The following KIRREL3 variants were observed in gnomAD, a reference collection of about 807,000 sequenced individuals.
KIRREL3 encodes the protein kin of IRRE-like protein 3.
KIRREL3 carries 36 observed loss-of-function variants against 89.7 expected under a neutral mutation model. That is an observed-to-expected ratio of 0.40 (90% CI 0.31 to 0.53). The LOEUF is 0.53. KIRREL3 is among the 20% of genes least tolerant of loss of function. The probability of loss-of-function intolerance (pLI) is 0.49; values close to 1 mark genes in which losing one functional copy is unlikely to be tolerated. For synonymous variants in KIRREL3, 445 were observed against 441.4 expected (o/e 1.01, Z -0.10); for missense variants, 864 against 1,056.6 (o/e 0.82, Z 2.53).
chr11:126,440,308 C>T, intron 11 of KIRREL3, 141 bp downstream of exon 11: 1 of 764,430 alleles, frequency 1.3e-6, no homozygotes, highest in Non-Finnish European at 2.3e-6. Context: ...TTTTCCAAGA[C>T]AGCCAAGGCA....
intron 1 of KIRREL3, among the ~76,000 whole-genome samples, chr11:126,901,477 C>T (rs1376862811): frequency 1.3e-5 from 2 of 152,106 alleles, no homozygotes; most frequent in Admixed American, 6.5e-5. Context: ...CCATTCTCTC[C>T]GGAAGAGAAT....
In KIRREL3 at chr11:126,807,145, G is replaced by T. The variant is rs1951229178; in HGVS notation, c.55+193310C>A. Among the ~76,000 whole-genome samples, 1 of 152,208 alleles carries T rather than the reference G, an allele frequency of 6.6e-6. No homozygotes were observed. Among genetic ancestry groups the T allele is most frequent in the African/African-American group, 2.4e-5 (1 of 41,454 alleles). On this transcript the variant is annotated intron_variant, in intron 1 of 16. Transcript: ENST00000525144. This position sits in a 1 kb window ranked among gnomAD's most constrained non-coding sequence, Gnocchi z 4.3. ...TTTCCAAGTTCCCAAGCAGGTTTGGGAGTAGGACGTGGTCTGGGAAGGGAG... is the reference window on the plus strand; with the variant it reads ...TTTCCAAGTTCCCAAGCAGGTTTGGTAGTAGGACGTGGTCTGGGAAGGGAG...
At position 126,570,774 on chromosome 11, in the gene KIRREL3, T is replaced by C. The variant is rs1026416019; in HGVS notation, c.56-7862A>G. ...GGGTCTAGAATTATCTGTGCTGCTA[T>C]GTCTCAGATCCTGTGTGCCTGCAGG... On this transcript the variant is annotated intron_variant, in intron 1 of 16. Transcript: ENST00000525144. This position sits in a 1 kb window ranked among gnomAD's most constrained non-coding sequence, Gnocchi z 6.1. Among the ~76,000 whole-genome samples the C allele has an allele frequency of 1.3e-5, 2 of 152,240 alleles. No homozygotes were observed. Among genetic ancestry groups the C allele is most frequent in the African/African-American group, 4.8e-5 (2 of 41,468 alleles).
At chr11:126,868,865 C>T (rs1945010216) in intron 1 of KIRREL3, among the ~76,000 whole-genome samples, 1 of 152,074 alleles carries the variant, frequency 6.6e-6, no homozygotes, top group African/African-American at 2.4e-5. Context: ...CTGGGGAGGG[C>T]CTGGTTTCCT....
intron 1 of KIRREL3, among the ~76,000 whole-genome samples, chr11:126,699,849 T>C (rs527700362): frequency 6.6e-6 from 1 of 152,220 alleles, no homozygotes. Flanking sequence ...ACATTATCTC[T>C]GATCTTAGCA....
intron 16 of KIRREL3, 62 bp from the exon 17 acceptor site, chr11:126,425,085 T>C: frequency 7.1e-7 from 1 of 1,414,774 alleles, no homozygotes; most frequent in African/African-American, 1.4e-5. Context: ...GTGGCTGGGG[T>C]TTCCAGGCTG....
intron 4 of KIRREL3, among the ~76,000 whole-genome samples, chr11:126,510,273 C>A (rs937614080): frequency 1.3e-5 from 2 of 152,126 alleles, no homozygotes; most frequent in African/African-American, 2.4e-5. Context: ...CATCTCATCT[C>A]TGGAGATGAA....
At chr11:126,469,866 G>A (rs547876346) in intron 5 of KIRREL3, among the ~76,000 whole-genome samples, 1 of 152,376 alleles carries the variant, frequency 6.6e-6, no homozygotes, top group South Asian at 2.1e-4. Flanking sequence ...ACTGTCCCCT[G>A]AGGAATCTGT....
chr11:126,973,645 C>T (rs1035340607), intron 1 of KIRREL3, among the ~76,000 whole-genome samples: 24 of 152,174 alleles, frequency 1.6e-4, no homozygotes, highest in African/African-American at 5.8e-4. Flanking sequence ...TTGTTATTTA[C>T]AAGTTTGTGA....
Position 126,843,569 on chromosome 11 carries a change from G to A in KIRREL3, c.55+156886C>T, listed in dbSNP as rs891900200. Among the ~76,000 whole-genome samples, 17 of 152,134 alleles carry A rather than the reference G, an allele frequency of 1.1e-4. No individual in the cohort carries two copies. The highest frequency in any genetic ancestry group is 3.6e-4 in the African/African-American group (15 of 41,426). ...CCTAAGCGATAACTGGAGTCCCGAC[G>A]GCTAGTGAGTGGGACCGTCAGAGGT... On this transcript the variant is annotated intron_variant, in intron 1 of 16. Transcript: ENST00000525144. This position sits in a 1 kb window ranked among gnomAD's most constrained non-coding sequence, Gnocchi z 4.6.
Position 126,877,001 on chromosome 11 carries a change from T to C in KIRREL3, c.55+123454A>G, listed in dbSNP as rs954170815. Among the ~76,000 whole-genome samples, 2 of 152,048 alleles carry C rather than the reference T, an allele frequency of 1.3e-5. No homozygotes were observed. The highest frequency in any genetic ancestry group is 2.9e-5 in the Non-Finnish European group (2 of 68,028). On this transcript the variant is annotated intron_variant, in intron 1 of 16. Coordinates refer to ENST00000525144, the MANE Select transcript of KIRREL3 (RefSeq NM_032531.4). The surrounding 1 kb of genome is among the most constrained non-coding windows in gnomAD (Gnocchi z 4.9). The stretch of plus-strand genomic sequence containing the variant: ...GGCACCCAGGAAAAGGAACAACAGA[T>C]AAGGAAGAGGTGCAAGCTGCTGAGG...
Position 126,513,883 on chromosome 11 carries a change from A to G in KIRREL3, c.433+7432T>C, listed in dbSNP as rs780193149. Among the ~76,000 whole-genome samples the G allele has an allele frequency of 6.6e-6, 1 of 152,170 alleles. No individual in the cohort carries two copies. Among genetic ancestry groups the G allele is most frequent in the Non-Finnish European group, 1.5e-5 (1 of 68,020 alleles). ...GCATTGAACCCACAGGGTGGACCTC[A>G]GGGAGCTATAATATAACTTAGAGGT... is the stretch of plus-strand genomic sequence containing the variant. On this transcript the variant is annotated intron_variant, in intron 4 of 16. Coordinates refer to ENST00000525144, the MANE Select transcript of KIRREL3 (RefSeq NM_032531.4). This position sits in a 1 kb window ranked among gnomAD's most constrained non-coding sequence, Gnocchi z 5.9.
chr11:126,449,219 G>A, intron 7 of KIRREL3, 62 bp from the exon 8 acceptor site: 1 of 1,580,414 alleles, frequency 6.3e-7, no homozygotes, highest in Non-Finnish European at 8.7e-7. Flanking sequence ...TCCGGGAGCT[G>A]GACACATCCA....
In KIRREL3 at chr11:126,535,230, C is replaced by G. The variant is rs1277975830; in HGVS notation, c.134-8543G>C. On this transcript the variant is annotated intron_variant, in intron 2 of 16. Coordinates refer to ENST00000525144, the MANE Select transcript of KIRREL3 (RefSeq NM_032531.4). This position sits in a 1 kb window ranked among gnomAD's most constrained non-coding sequence, Gnocchi z 4.5. ...TCCCAAAAGCCCCCTCTAGATTTCCCTCCTGCGCTTACTCCTGCCTCCTGT... is the reference window on the plus strand; with the variant it reads ...TCCCAAAAGCCCCCTCTAGATTTCCGTCCTGCGCTTACTCCTGCCTCCTGT... Among the ~76,000 whole-genome samples the G allele has an allele frequency of 2.0e-5, 3 of 152,174 alleles. No homozygotes were observed. Among genetic ancestry groups the G allele is most frequent in the African/African-American group, 7.2e-5 (3 of 41,422 alleles).
At chr11:126,583,794 G>A (rs1032294077) in intron 1 of KIRREL3, among the ~76,000 whole-genome samples, 2 of 152,110 alleles carry the variant, frequency 1.3e-5, no homozygotes, top group Non-Finnish European at 1.5e-5. Context: ...CACGACCCTC[G>A]CCCGGGGAAA....
At position 126,443,197 on chromosome 11, in the gene KIRREL3, T is replaced by C. The variant is rs1330999959; in HGVS notation, c.1252+1782A>G. On this transcript the variant is annotated intron_variant, in intron 10 of 16. Transcript: ENST00000525144. The surrounding 1 kb of genome is among the most constrained non-coding windows in gnomAD (Gnocchi z 7.3). ...GCTTGGGGGCCCTGGAGTGCATGAG[T>C]GAGTGTGAGGGTCCCGGGCTGGCTG... Among the ~76,000 whole-genome samples, 1 of 151,640 alleles carries C rather than the reference T, an allele frequency of 6.6e-6. No homozygotes were observed. The highest frequency in any genetic ancestry group is 1.5e-5 in the Non-Finnish European group (1 of 67,914).
In KIRREL3 at chr11:126,873,282, G is replaced by A. The variant is rs367604997; in HGVS notation, c.55+127173C>T. Among the ~76,000 whole-genome samples, 4 of 152,306 alleles carry A rather than the reference G, an allele frequency of 2.6e-5. No homozygotes were observed. The East Asian group carries it at 5.8e-4, about 22-fold the overall frequency. Reference sequence around the variant, plus strand: ...AATTTAAAATGTTTTACTTTAATGTGATGCAAATGAAGGCTGAGGTATGCA... The same window carrying A: ...AATTTAAAATGTTTTACTTTAATGTAATGCAAATGAAGGCTGAGGTATGCA... On this transcript the variant is annotated intron_variant, in intron 1 of 16. Coordinates refer to ENST00000525144, the MANE Select transcript of KIRREL3 (RefSeq NM_032531.4).
At chr11:126,804,448 C>T (rs970185091) in intron 1 of KIRREL3, among the ~76,000 whole-genome samples, 1 of 152,124 alleles carries the variant, frequency 6.6e-6, no homozygotes, top group Non-Finnish European at 1.5e-5. Flanking sequence ...AGATTCTCTC[C>T]TATGGTAAAT....
At chr11:126,925,625 A>C (rs931161297) in intron 1 of KIRREL3, among the ~76,000 whole-genome samples, 2 of 152,160 alleles carry the variant, frequency 1.3e-5, no homozygotes, top group African/African-American at 4.8e-5. Flanking sequence ...CCAGCCGTCC[A>C]GCTTCATTCT....
Sources: gnomAD v4.1 joint callset for allele counts (sites outside exome capture counted in the v4.1 genomes callset) on GRCh38, gnomAD v4.1.1 for gene constraint, Gnocchi (gnomAD v3.1) non-coding constraint, MANE v1.5 for transcripts, NCBI Gene and HGNC (gene_info 2026-07-23, HGNC 2026-07-21) for gene names.